Variants in RNGTT observed in about 807,000 individuals in gnomAD.
RNGTT encodes the protein mRNA-capping enzyme.
Under a neutral mutation model 79.3 loss-of-function variants are expected in RNGTT, and 33 were observed. That is an observed-to-expected ratio of 0.42 (90% CI 0.32 to 0.56). The LOEUF (loss-of-function observed/expected upper bound fraction) is 0.56, where lower values mean the gene tolerates loss of function less well. Ranked by LOEUF, RNGTT falls within the 20% of genes least tolerant of loss-of-function variation. The pLI is 0.17. For missense variants in RNGTT, 497 were observed against 739.1 expected (o/e 0.67, Z 3.80); for synonymous variants, 222 against 235.9 (o/e 0.94, Z 0.54).
At chr6:88,697,308 T>C (rs1775710925) in intron 13 of RNGTT, among the ~76,000 whole-genome samples, 1 of 152,110 alleles carries the variant, frequency 6.6e-6, no homozygotes, top group African/African-American at 2.4e-5. Flanking sequence ...TCCCAGCACT[T>C]TGGGAGGCCG....
intron 12 of RNGTT, among the ~76,000 whole-genome samples, chr6:88,782,757 A>G (rs1016739795): frequency 6.6e-6 from 1 of 152,152 alleles, no homozygotes; most frequent in Non-Finnish European, 1.5e-5. Flanking sequence ...TTCTCAAAAT[A>G]AGAAACGTAG....
At chr6:88,655,875 A>G (rs762160360) in intron 14 of RNGTT, among the ~76,000 whole-genome samples, 1 of 152,194 alleles carries the variant, frequency 6.6e-6, no homozygotes, top group African/African-American at 2.4e-5. Context: ...AGAGGCTTCA[A>G]TCCTTCTTGG....
chr6:88,957,541 G>A (rs954402487), intron 1 of RNGTT, among the ~76,000 whole-genome samples: 2 of 152,098 alleles, frequency 1.3e-5, no homozygotes, highest in Admixed American at 1.3e-4. Context: ...CAAAATCAAC[G>A]TACACAAATC....
intron 11 of RNGTT, among the ~76,000 whole-genome samples, chr6:88,840,560 C>A (rs1781249328): frequency 6.6e-6 from 1 of 152,096 alleles, no homozygotes; most frequent in South Asian, 2.1e-4. Context: ...CCATGCCCGA[C>A]TAATTTTCTA....
chr6:88,831,166 T>A (rs1404180559), intron 11 of RNGTT, among the ~76,000 whole-genome samples: 1 of 152,156 alleles, frequency 6.6e-6, no homozygotes, highest in Admixed American at 6.5e-5. Flanking sequence ...ATATCCCTGA[T>A]GAACACAGAT....
intron 1 of RNGTT, among the ~76,000 whole-genome samples, chr6:88,959,079 C>T (rs529235593): frequency 6.6e-6 from 1 of 152,010 alleles, no homozygotes; most frequent in East Asian, 1.9e-4. Flanking sequence ...GGAGTTGGAC[C>T]CCATCATTCT....
intron 12 of RNGTT, among the ~76,000 whole-genome samples, chr6:88,771,046 C>T (rs1159576393): frequency 6.6e-6 from 1 of 151,736 alleles, no homozygotes; most frequent in Non-Finnish European, 1.5e-5. Flanking sequence ...TTCTACAAGT[C>T]TTTGGCTTTT....
chr6:88,854,835 A>G (rs1781792529), intron 8 of RNGTT, among the ~76,000 whole-genome samples: 1 of 152,202 alleles, frequency 6.6e-6, no homozygotes, highest in Non-Finnish European at 1.5e-5. Flanking sequence ...GTTCTATTTC[A>G]CACCACATAT....
rs796129630 is a variant in RNGTT at position 88,893,019 on chromosome 6, G to C, written c.685-1104C>G. 3.9e-5 allele frequency among the ~76,000 whole-genome samples: 6 copies of C among 152,046 alleles called. 1 individual carries two copies. The highest frequency in any genetic ancestry group is 1.4e-4 in the African/African-American group (6 of 41,496). ...AATTTAGGAATTTCATAAGCCCAAG[G>C]ATCAAAGAGTACCATCCCTCTACTA... On this transcript the variant is annotated intron_variant, in intron 6 of 15. Coordinates refer to ENST00000369485, the MANE Select transcript of RNGTT (RefSeq NM_003800.5).
intron 1 of RNGTT, among the ~76,000 whole-genome samples, chr6:88,955,890 A>G (rs1211627921): frequency 6.6e-6 from 1 of 151,822 alleles, no homozygotes; most frequent in African/African-American, 2.4e-5. Flanking sequence ...ATACAAAAAA[A>G]TTAGCCGGGT....
chr6:88,790,041 C>T (rs965125093), intron 12 of RNGTT, among the ~76,000 whole-genome samples: 1 of 152,016 alleles, frequency 6.6e-6, no homozygotes. Flanking sequence ...TTACAGAAAA[C>T]AAGAGGTATC....
Position 88,849,102 on chromosome 6 carries a change from C to G in RNGTT, c.1104+653G>C, listed in dbSNP as rs75039964. 3.3e-3 allele frequency among the ~76,000 whole-genome samples: 506 copies of G among 151,978 alleles called. 1 individual carries two copies. Among genetic ancestry groups the G allele is most frequent in the African/African-American group, 0.012 (486 of 41,508 alleles). On this transcript the variant is annotated intron_variant, in intron 10 of 15. Transcript: ENST00000369485. ...AAAGCCACCCCGCCACCCCTTATGT[C>G]TAGTTATAGGCCAATGAATGTTATT... is the stretch of plus-strand genomic sequence containing the variant.
chr6:88,631,535 T>C (rs1242684973), intron 14 of RNGTT, among the ~76,000 whole-genome samples: 1 of 152,232 alleles, frequency 6.6e-6, no homozygotes, highest in Non-Finnish European at 1.5e-5. Flanking sequence ...ATAAAGGCTC[T>C]AGAGGTGTCC....
At chr6:88,782,704 A>T (rs1266344151) in intron 12 of RNGTT, among the ~76,000 whole-genome samples, 1 of 152,208 alleles carries the variant, frequency 6.6e-6, no homozygotes, top group East Asian at 1.9e-4. Context: ...TATTAAAAAT[A>T]CAAATAACCT....
chr6:88,915,674 T>C (rs1433951826), intron 4 of RNGTT, among the ~76,000 whole-genome samples: 2 of 152,196 alleles, frequency 1.3e-5, no homozygotes, highest in Non-Finnish European at 2.9e-5. Flanking sequence ...CTATGTTCAC[T>C]ATCTGTGTAA....
intron 2 of RNGTT, among the ~76,000 whole-genome samples, chr6:88,930,016 GTA>G (rs1562045654): frequency 1.4e-5 from 2 of 146,446 alleles, no homozygotes; most frequent in Admixed American, 6.9e-5. Context: ...ATATGCATAT[GTA>G]TACACATATA....
At chr6:88,960,431 T>C (rs1562093969) in intron 1 of RNGTT, among the ~76,000 whole-genome samples, 1 of 152,192 alleles carries the variant, frequency 6.6e-6, no homozygotes, top group Non-Finnish European at 1.5e-5. Context: ...TTGAATGATA[T>C]ATCTTTAAGA....
chr6:88,640,528 C>CA (rs1213962322), intron 14 of RNGTT, among the ~76,000 whole-genome samples: 2 of 128,628 alleles, frequency 1.6e-5, no homozygotes, highest in East Asian at 4.4e-4. Context: ...GCCTGGGTGA[C>CA]AGAGTGAGAC....
At chr6:88,794,009 G>A (rs887682725) in intron 12 of RNGTT, among the ~76,000 whole-genome samples, 27 of 152,276 alleles carry the variant, frequency 1.8e-4, no homozygotes, top group African/African-American at 6.3e-4. Flanking sequence ...GTTATTGGCA[G>A]AAAGAATTTT....
Sources: allele counts gnomAD v4.1 joint callset (sites outside exome capture counted in the v4.1 genomes callset), GRCh38; gene constraint gnomAD v4.1.1; transcripts MANE v1.5; gene names NCBI Gene and HGNC (gene_info 2026-07-23, HGNC 2026-07-21).